UNC79: variants seen among roughly 807,000 people sequenced by gnomAD.
UNC79 encodes the protein protein unc-79 homolog.
A neutral mutation model predicts 283.1 loss-of-function variants in UNC79; 37 were observed. The ratio of observed to expected loss-of-function variants is 0.13; its 90% CI spans 0.10 to 0.17. UNC79 has a LOEUF of 0.17. Among genes scored for constraint, UNC79 ranks in the 10% least tolerant of loss-of-function variants. The probability of loss-of-function intolerance (pLI) is 1.00; values close to 1 mark genes in which losing one functional copy is unlikely to be tolerated. For missense variants in UNC79, 2,272 were observed against 3,211.1 expected, an observed-to-expected ratio of 0.71 and a Z score of 7.07; for synonymous variants, 1,107 against 1,200.2, an observed-to-expected ratio of 0.92 and a Z score of 1.61.
chr14:93,561,420 C>T (rs1283666603), intron 14 of UNC79, among the ~76,000 whole-genome samples: 1 of 152,034 alleles, frequency 6.6e-6, no homozygotes, highest in African/African-American at 2.4e-5. Context: ...AGAAGTTCTT[C>T]AGGAGGGTAA....
At chr14:93,663,639 G>A (rs1466461123) in intron 40 of UNC79, among the ~76,000 whole-genome samples, 1 of 151,972 alleles carries the variant, frequency 6.6e-6, no homozygotes, top group Non-Finnish European at 1.5e-5. Flanking sequence ...ATGTTCCATG[G>A]TAATCTTTGT....
At chr14:93,386,677 G>A (rs966626124) in intron 1 of UNC79, among the ~76,000 whole-genome samples, 9 of 152,062 alleles carry the variant, frequency 5.9e-5, no homozygotes, top group Admixed American at 2.0e-4. Context: ...GAATTTCTTC[G>A]TGGTTCAATC....
chr14:93,346,891 G>A (rs1319637533), intron 1 of UNC79, among the ~76,000 whole-genome samples: 4 of 152,042 alleles, frequency 2.6e-5, no homozygotes, highest in Non-Finnish European at 2.9e-5. Flanking sequence ...GTGAATGAGG[G>A]CTGGGAGGTT....
intron 1 of UNC79, among the ~76,000 whole-genome samples, chr14:93,443,540 C>T (rs1472591990): frequency 6.6e-6 from 1 of 151,718 alleles, no homozygotes; most frequent in Non-Finnish European, 1.5e-5. Context: ...TCTCCTGCCT[C>T]AGCCTCCCGA....
intron 14 of UNC79, among the ~76,000 whole-genome samples, chr14:93,566,629 A>C (rs920335898): frequency 1.4e-5 from 2 of 140,796 alleles, no homozygotes; most frequent in South Asian, 4.5e-4. Context: ...CCCTTAGGCC[A>C]GTTTCTGGAA....
intron 1 of UNC79, among the ~76,000 whole-genome samples, chr14:93,363,601 G>T (rs973057087): frequency 1.2e-4 from 18 of 152,172 alleles, no homozygotes; most frequent in Non-Finnish European, 2.5e-4. Context: ...TTATCTAAGA[G>T]TCTTTATAGG....
chr14:93,509,189 G>A (rs1030193308), intron 7 of UNC79, among the ~76,000 whole-genome samples: 1 of 152,036 alleles, frequency 6.6e-6, no homozygotes, highest in African/African-American at 2.4e-5. Context: ...CAGCAAGGGG[G>A]AAATCCACCC....
chr14:93,408,073 T>C (rs1225488670), intron 1 of UNC79, among the ~76,000 whole-genome samples: 2 of 152,120 alleles, frequency 1.3e-5, no homozygotes, highest in Non-Finnish European at 2.9e-5. Flanking sequence ...TTACAAGGCA[T>C]AATTAATGGC....
chr14:93,340,795 C>T (rs1489677098), intron 1 of UNC79, among the ~76,000 whole-genome samples: 1 of 151,922 alleles, frequency 6.6e-6, no homozygotes, highest in Non-Finnish European at 1.5e-5. Context: ...TGGTCTCAAT[C>T]TCCTGGGCTC....
intron 22 of UNC79, among the ~76,000 whole-genome samples, chr14:93,588,833 G>A (rs2064429827): frequency 6.6e-6 from 1 of 151,592 alleles, no homozygotes; most frequent in African/African-American, 2.4e-5. Context: ...CAGTTAGTGG[G>A]TGCAAGTTCT....
intron 1 of UNC79, among the ~76,000 whole-genome samples, chr14:93,450,952 T>TG (rs2056619079): frequency 6.6e-6 from 1 of 152,176 alleles, no homozygotes; most frequent in African/African-American, 2.4e-5. Context: ...TGCTGTATTT[T>TG]GGGGAAATTT....
intron 1 of UNC79, among the ~76,000 whole-genome samples, chr14:93,358,148 A>G (rs907838803): frequency 6.6e-6 from 1 of 151,744 alleles, no homozygotes; most frequent in Non-Finnish European, 1.5e-5. Context: ...AATGGTAAGG[A>G]TGCTACTTCT....
At chr14:93,444,749 C>T (rs995242321) in intron 1 of UNC79, among the ~76,000 whole-genome samples, 9 of 152,056 alleles carry the variant, frequency 5.9e-5, no homozygotes, top group Non-Finnish European at 1.0e-4. Context: ...TATTTTGTTT[C>T]TTCATCTATT....
chr14:93,437,269 G>A (rs1335072368), intron 1 of UNC79: 2 of 152,064 alleles, frequency 1.3e-5, no homozygotes, highest in African/African-American at 4.8e-5. Flanking sequence ...GTGCCTACTA[G>A]GTACTAGGCA....
intron 11 of UNC79, among the ~76,000 whole-genome samples, chr14:93,534,100 G>A (rs559307289): frequency 6.6e-6 from 1 of 152,210 alleles, no homozygotes; most frequent in Non-Finnish European, 1.5e-5. Flanking sequence ...TCAAAAAGAG[G>A]AAGGGAAAGC....
At chr14:93,340,839 T>C (rs1310758745) in intron 1 of UNC79, among the ~76,000 whole-genome samples, 1 of 152,200 alleles carries the variant, frequency 6.6e-6, no homozygotes, top group East Asian at 1.9e-4. Context: ...CCTAAAGTGC[T>C]GTGATTACAG....
chr14:93,477,585 C>T (rs765688383), exon 4 of UNC79: 1 of 1,607,782 alleles, frequency 6.2e-7, no homozygotes, highest in Non-Finnish European at 8.5e-7. Flanking sequence ...TTTTATACAA[C>T]TACATGTTTG....
chr14:93,649,196 C>A (rs1273764787), intron 35 of UNC79, among the ~76,000 whole-genome samples: 1 of 152,142 alleles, frequency 6.6e-6, no homozygotes, highest in Non-Finnish European at 1.5e-5. Context: ...GCAGGTCCTA[C>A]AAACATAAGA....
intron 7 of UNC79, among the ~76,000 whole-genome samples, chr14:93,514,147 A>G (rs2059951975): frequency 6.6e-6 from 1 of 152,192 alleles, no homozygotes. Flanking sequence ...AAATCAACAA[A>G]ATTAAAAACT....
Sources: gnomAD v4.1 joint callset for allele counts (sites outside exome capture counted in the v4.1 genomes callset) on GRCh38, gnomAD v4.1.1 for gene constraint, MANE v1.5 for transcripts, NCBI Gene and HGNC (gene_info 2026-07-23, HGNC 2026-07-21) for gene names.